SPG11: variants seen among roughly 807,000 people sequenced by gnomAD.
SPG11 encodes SPG11 vesicle trafficking associated, spatacsin.
A neutral mutation model predicts 274.0 loss-of-function variants in SPG11; 222 were observed. The observed-to-expected ratio is 0.81, with a 90% CI of 0.73 to 0.91. The LOEUF (loss-of-function observed/expected upper bound fraction) is 0.91. Among genes scored for constraint, SPG11 ranks in the 40% least tolerant of loss-of-function variants. The pLI is 0.00. For missense variants in SPG11, 3,114 were observed against 2,872.7 expected (o/e 1.08, Z -1.92); for synonymous variants, 1,144 against 1,039.7 (o/e 1.10, Z -1.93).
chr15:44,657,027 A>T, intron 4 of SPG11, 68 bp downstream of exon 4: 3 of 1,345,664 alleles, frequency 2.2e-6, no homozygotes, highest in Non-Finnish European at 3.1e-6. Flanking sequence ...AAAACTAACG[A>T]GGATATTTTT....
intron 7 of SPG11, among the ~76,000 whole-genome samples, chr15:44,642,694 C>T (rs2084489120): frequency 1.4e-5 from 2 of 146,700 alleles, no homozygotes; most frequent in Admixed American, 1.4e-4. Context: ...GATTCCACCT[C>T]TACAAAAAAA....
At chr15:44,660,789 G>A (rs144997267) in intron 1 of SPG11, among the ~76,000 whole-genome samples, 173 bp from the exon 2 acceptor site, 12 of 152,122 alleles carry the variant, frequency 7.9e-5, no homozygotes, top group Non-Finnish European at 1.5e-4. Context: ...TCCTCTTCCC[G>A]CTTCCCTTTT....
intron 30 of SPG11, among the ~76,000 whole-genome samples, chr15:44,583,389 C>T (rs1451829980): frequency 2.0e-5 from 3 of 151,908 alleles, no homozygotes; most frequent in Non-Finnish European, 4.4e-5. Context: ...ACCTGGGAGG[C>T]GGAGGTTGCA....
chr15:44,604,959 A>AAAAAAAAAAAC (rs1178590783), intron 20 of SPG11, among the ~76,000 whole-genome samples: 1 of 151,068 alleles, frequency 6.6e-6, no homozygotes, highest in African/African-American at 2.4e-5. Flanking sequence ...AAAAAAAAAA[A>AAAAAAAAAAAC]AGTATTACAT....
Position 44,621,872 on chromosome 15 carries a change from T to TATTTCAGGAATGAGTCCAAAACAG in SPG11, c.2483_2506dup (p.Ser828_Lys835dup). On this transcript the variant is annotated inframe_insertion, in exon 14 of 40. Transcript: ENST00000261866. ...TTTGTTAAATTCATCTTTACAATCA[T>TATTTCAGGAATGAGTCCAAAACAG]ATTTCAGGAATGAGTCCAAAACAGA... The TATTTCAGGAATGAGTCCAAAACAG allele has an allele frequency of 6.2e-7, 1 of 1,613,930 alleles. No individual in the cohort carries two copies. The highest frequency in any genetic ancestry group is 1.3e-5 in the African/African-American group (1 of 75,028).
chr15:44,577,829 A>G (rs2082572282), intron 30 of SPG11, among the ~76,000 whole-genome samples: 1 of 152,084 alleles, frequency 6.6e-6, no homozygotes, highest in Non-Finnish European at 1.5e-5. Context: ...CTAAGGGCTG[A>G]GGTGAAGTGT....
At chr15:44,615,339 G>A (rs376087355) in intron 16 of SPG11, 24 bp downstream of exon 16, 1 of 1,606,864 alleles carries the variant, frequency 6.2e-7, no homozygotes, top group Non-Finnish European at 8.5e-7. Context: ...CCTGCTCAAG[G>A]ACAAATGCAT....
intron 1 of SPG11, among the ~76,000 whole-genome samples, chr15:44,661,578 A>C (rs1309672458): frequency 6.6e-6 from 1 of 152,090 alleles, no homozygotes; most frequent in Non-Finnish European, 1.5e-5. Context: ...CTACTATAGT[A>C]GTTTTATACT....
intron 38 of SPG11, 49 bp from the exon 39 acceptor site, chr15:44,564,747 A>C: frequency 5.6e-6 from 9 of 1,602,322 alleles, no homozygotes; most frequent in Non-Finnish European, 7.7e-6. Context: ...ATCTGATGTA[A>C]AATCAAAAAC....
intron 16 of SPG11, 99 bp from the exon 17 acceptor site, chr15:44,613,635 T>A: frequency 1.3e-6 from 1 of 748,738 alleles, no homozygotes; most frequent in Non-Finnish European, 2.3e-6. Flanking sequence ...AAAAAAAGAA[T>A]CTTGGAATTA....
In SPG11 at chr15:44,573,135, C is replaced by T. The variant is rs546080775; in HGVS notation, c.6206-315G>A. On this transcript the variant is annotated intron_variant, in intron 32 of 39. Coordinates refer to ENST00000261866, the MANE Select transcript of SPG11 (RefSeq NM_025137.4). ...CTGAGTAGCTGGGACTACAGGTGCC[C>T]GCCAACACGCCCGGCTACTTTTTTG... 5.3e-5 allele frequency among the ~76,000 whole-genome samples: 8 copies of T among 150,756 alleles called. No individual in the cohort carries two copies. The East Asian group carries it at 1.5e-3, about 28-fold the overall frequency.
intron 38 of SPG11, 68 bp from the exon 39 acceptor site, chr15:44,564,766 G>A: frequency 6.5e-7 from 1 of 1,544,318 alleles, no homozygotes; most frequent in Non-Finnish European, 8.9e-7. Flanking sequence ...ACAAACTGTT[G>A]TAGAAAACAA....
At chr15:44,605,329 C>T (rs999390450) in intron 20 of SPG11, among the ~76,000 whole-genome samples, 5 of 152,062 alleles carry the variant, frequency 3.3e-5, no homozygotes, top group African/African-American at 7.2e-5. Context: ...TATCAAAATT[C>T]GAACTTATAA....
chr15:44,619,035 T>C (rs2083668005), intron 15 of SPG11, among the ~76,000 whole-genome samples: 1 of 152,030 alleles, frequency 6.6e-6, no homozygotes, highest in African/African-American at 2.4e-5. Context: ...CTAAGCAAAA[T>C]ATTAGGTAAG....
rs2140950001 is a variant in SPG11 at position 44,585,688 on chromosome 15, C to G, written c.5069G>C (p.Arg1690Thr). 1 of 1,613,486 alleles carries G rather than the reference C, an allele frequency of 6.2e-7. No individual in the cohort carries two copies. Among genetic ancestry groups the G allele is most frequent in the South Asian group, 1.1e-5 (1 of 91,072 alleles). The change falls in exon 29 of 40, where the codon AGG becomes ACG. Residue 1690 changes from arginine (R) to threonine (T), a missense_variant. By Grantham distance (71) the Arg-to-Thr change is moderately conservative. Transcript: ENST00000261866. ...TAACTCAGCTAATTCTGCTACCCTC[C>G]TGGCCAAAGCGAATTGTCCATCTGT... The part of the protein sequence containing the change: ...LQTDGQFALA[R>T]RVAELAELPV...
rs574115333 is a variant in SPG11, at chr15:44,635,866, G to A, written c.1603-2229C>T. On this transcript the variant is annotated intron_variant, in intron 7 of 39. Coordinates refer to ENST00000261866, the MANE Select transcript of SPG11 (RefSeq NM_025137.4). ...TGGCAGGCGGATGTTACAGTGAGCC[G>A]AGATTGCGCCATTGCACTCCAGCCT... Among the ~76,000 whole-genome samples, 11 of 151,504 alleles carry A rather than the reference G, an allele frequency of 7.3e-5. No homozygotes were observed. The East Asian group carries it at 1.2e-3, about 16-fold the overall frequency.
intron 33 of SPG11, among the ~76,000 whole-genome samples, chr15:44,572,284 A>C (rs1420074542): frequency 1.3e-5 from 2 of 152,236 alleles, no homozygotes; most frequent in Admixed American, 1.3e-4. Context: ...AAGGCCTATA[A>C]TGAGTTAGAC....
intron 6 of SPG11, among the ~76,000 whole-genome samples, chr15:44,649,425 GTTTCACT>G (rs1386502594): frequency 1.3e-5 from 2 of 151,834 alleles, no homozygotes; most frequent in Non-Finnish European, 2.9e-5. Context: ...TAGCAATAGG[GTTTCACT>G]TTGTTTCCCA....
At chr15:44,645,476 A>G (rs897941788) in intron 7 of SPG11, among the ~76,000 whole-genome samples, 7 of 152,224 alleles carry the variant, frequency 4.6e-5, no homozygotes, top group Non-Finnish European at 8.8e-5. Flanking sequence ...CTCAAGTTTG[A>G]TTAAAGACTT....
Sources: gnomAD v4.1 joint callset for allele counts (sites outside exome capture counted in the v4.1 genomes callset) on GRCh38, gnomAD v4.1.1 for gene constraint, MANE v1.5 for transcripts, NCBI Gene and HGNC (gene_info 2026-07-23, HGNC 2026-07-21) for gene names.